The following LYN variants were observed in gnomAD, a reference collection of about 807,000 sequenced individuals.
The protein encoded by LYN is tyrosine-protein kinase Lyn.
In LYN, 12 loss-of-function variants were observed where a neutral mutation model predicts 65.0. The observed-to-expected ratio is 0.18, with a 90% confidence interval of 0.12 to 0.30. The LOEUF is 0.30. Ranked by LOEUF, LYN falls within the 10% of genes least tolerant of loss-of-function variation. The pLI is 1.00. For missense variants in LYN, 380 were observed against 623.2 expected (o/e 0.61, Z 4.16); for synonymous variants, 222 against 221.2 (o/e 1.00, Z -0.03).
chr8:55,902,437 C>T (rs1448387429), intron 1 of LYN, among the ~76,000 whole-genome samples: 1 of 150,990 alleles, frequency 6.6e-6, no homozygotes, highest in Non-Finnish European at 1.5e-5. Context: ...AAGCAATTCT[C>T]CTGCCTCAGC....
At chr8:55,984,585 G>T (rs1241925581) in intron 10 of LYN, among the ~76,000 whole-genome samples, 1 of 152,136 alleles carries the variant, frequency 6.6e-6, no homozygotes, top group Non-Finnish European at 1.5e-5. Flanking sequence ...ACCTTCCTAA[G>T]TCCTGCACAT....
In LYN at chr8:55,998,505, T is replaced by C. The variant is rs1808436219; in HGVS notation, c.1204+6T>C. On this transcript the variant is annotated splice_donor_region_variant and intron_variant, in intron 11 of 12. Transcript: ENST00000519728. ...TGAGTACACAGCAAGGGAAGGTATG[T>C]TGCACTAATGATCTTTAGATGTTTT... 7.5e-6 allele frequency: 12 copies of C among 1,603,278 alleles called. No homozygotes were observed. In the South Asian group the frequency reaches 1.2e-4, roughly 16 times the overall value.
chr8:55,974,017 G>A (rs747392020), intron 10 of LYN, among the ~76,000 whole-genome samples: 1 of 152,224 alleles, frequency 6.6e-6, no homozygotes, highest in African/African-American at 2.4e-5. Flanking sequence ...GGTTGATACA[G>A]CACTTCTACC....
chr8:55,964,821 G>T (rs1156667478), intron 8 of LYN, among the ~76,000 whole-genome samples: 1 of 152,214 alleles, frequency 6.6e-6, no homozygotes, highest in African/African-American at 2.4e-5. Context: ...ACCAGCCAGG[G>T]ATAATCACTG....
intron 1 of LYN, among the ~76,000 whole-genome samples, chr8:55,927,821 G>A (rs1033790849): frequency 2.0e-5 from 3 of 151,668 alleles, no homozygotes; most frequent in South Asian, 2.1e-4. Flanking sequence ...GGGTGACAGA[G>A]CGAGACTCTG....
chr8:55,954,835 AAAATAAATAAATAAATAAAT>A (rs113354539), intron 8 of LYN, among the ~76,000 whole-genome samples: 1 of 148,674 alleles, frequency 6.7e-6, no homozygotes, highest in Non-Finnish European at 1.5e-5. Flanking sequence ...ACCCTGCCTC[AAAATAAATAAATAAATAAAT>A]AAATAAATAA....
intron 12 of LYN, among the ~76,000 whole-genome samples, chr8:56,004,650 C>T (rs758485629): frequency 9.9e-5 from 15 of 152,092 alleles, no homozygotes; most frequent in South Asian, 2.1e-4. Context: ...TCAAAGTAAT[C>T]TACTTTTGGG....
chr8:55,956,039 G>A (rs1807098453), intron 8 of LYN, among the ~76,000 whole-genome samples: 1 of 152,014 alleles, frequency 6.6e-6, no homozygotes, highest in African/African-American at 2.4e-5. Flanking sequence ...AAACCTAGGA[G>A]TTCAGTTGCT....
rs542019321 is a variant in LYN at position 55,977,057 on chromosome 8, C to T, written c.1050+7264C>T. Among the ~76,000 whole-genome samples the T allele has an allele frequency of 1.3e-3, 191 of 151,964 alleles. 1 individual carries two copies. The highest frequency in any genetic ancestry group is 4.3e-3 in the African/African-American group (180 of 41,418). ...AAAGTTAGCCGGGCATGGTGGTGTG[C>T]GCCTGTAATCCCAGCTACTCAGGAG... On this transcript the variant is annotated intron_variant, in intron 10 of 12. Transcript: ENST00000519728.
At chr8:55,895,769 T>G (rs925172399) in intron 1 of LYN, 1 of 152,212 alleles carries the variant, frequency 6.6e-6, no homozygotes, top group Non-Finnish European at 1.5e-5. Context: ...CTCATCCAGT[T>G]GTTGCAAGGA....
chr8:55,887,286 A>G (rs1804824975), intron 1 of LYN, among the ~76,000 whole-genome samples: 1 of 152,188 alleles, frequency 6.6e-6, no homozygotes, highest in South Asian at 2.1e-4. Context: ...TCAAACAAAC[A>G]AACAATAGCA....
intron 10 of LYN, among the ~76,000 whole-genome samples, chr8:55,983,566 G>A (rs566193567): frequency 1.7e-4 from 16 of 92,190 alleles, no homozygotes; most frequent in African/African-American, 5.3e-4. Context: ...CCCACCCCTC[G>A]ACCCCAGCAG....
intron 10 of LYN, among the ~76,000 whole-genome samples, chr8:55,976,087 G>C (rs1807743323): frequency 1.3e-5 from 2 of 152,116 alleles, no homozygotes. Context: ...GAAGCTTGCA[G>C]GGCTAGAATT....
At chr8:55,979,482 C>G (rs866202159) in intron 10 of LYN, among the ~76,000 whole-genome samples, 34 of 152,206 alleles carry the variant, frequency 2.2e-4, no homozygotes, top group African/African-American at 7.9e-4. Flanking sequence ...CTTCGCCTAC[C>G]CTCGGAGCAC....
At chr8:55,974,204 C>G (rs1807691546) in intron 10 of LYN, among the ~76,000 whole-genome samples, 1 of 152,194 alleles carries the variant, frequency 6.6e-6, no homozygotes, top group Admixed American at 6.5e-5. Flanking sequence ...CCTCTGCAGC[C>G]TGCTGTTGTC....
intron 6 of LYN, 28 bp downstream of exon 6, chr8:55,950,812 A>G: frequency 6.9e-7 from 1 of 1,459,760 alleles, no homozygotes; most frequent in Non-Finnish European, 9.6e-7. Flanking sequence ...GCCTCTTTTA[A>G]AACACTATTT....
intron 12 of LYN, among the ~76,000 whole-genome samples, chr8:56,003,524 C>T (rs1808589236): frequency 6.6e-6 from 1 of 152,080 alleles, no homozygotes; most frequent in East Asian, 1.9e-4. Context: ...AAAAATTAGC[C>T]CGGCGTGGTG....
intron 1 of LYN, among the ~76,000 whole-genome samples, chr8:55,934,806 A>G (rs942699995): frequency 2.3e-4 from 35 of 152,188 alleles, no homozygotes; most frequent in African/African-American, 8.2e-4. Flanking sequence ...TTGACCCTCA[A>G]TAGTCAAAGT....
In LYN at chr8:56,010,005, G is replaced by A. The variant is rs150197767; in HGVS notation, c.1434G>A (p.Met478Ile). 4.3e-6 allele frequency: 7 copies of A among 1,614,028 alleles called. No individual in the cohort carries two copies. The African/African-American group carries it at 6.7e-5, about 15-fold the overall frequency. The part of the protein sequence containing the change: ...CPDELYDIMK[M>I]CWKEKAEERP... ...ATGAGCTCTATGACATTATGAAAATGTGCTGGAAAGAAAAGGCAGAAGAGA... is the reference window on the plus strand; with the variant it reads ...ATGAGCTCTATGACATTATGAAAATATGCTGGAAAGAAAAGGCAGAAGAGA... Residue 478 changes from methionine (M) to isoleucine (I), a missense_variant, in exon 13 of 13, where the codon ATG becomes ATA. Met to Ile is a conservative substitution (Grantham distance 10, BLOSUM62 1). Transcript: ENST00000519728.
Sources: allele counts gnomAD v4.1 joint callset (sites outside exome capture counted in the v4.1 genomes callset), GRCh38; gene constraint gnomAD v4.1.1; transcripts MANE v1.5; gene names NCBI Gene and HGNC (gene_info 2026-07-23, HGNC 2026-07-21).